Variants in ACSL3 observed in about 807,000 individuals in gnomAD.
ACSL3 encodes the protein fatty acid CoA ligase Acsl3.
A neutral mutation model predicts 84.7 loss-of-function variants in ACSL3; 34 were observed. The ratio of observed to expected loss-of-function variants is 0.40; its 90% CI spans 0.31 to 0.53. The LOEUF (loss-of-function observed/expected upper bound fraction) is 0.53. ACSL3 is among the 20% of genes least tolerant of loss of function. The pLI, the probability that ACSL3 is intolerant of heterozygous loss-of-function variation, is 0.48. For missense variants in ACSL3, 680 were observed against 873.1 expected (o/e 0.78, Z 2.79); for synonymous variants, 315 against 299.4 (o/e 1.05, Z -0.54).
At position 222,931,543 on chromosome 2, in the gene ACSL3, G is replaced by A. The variant is rs778421603; in HGVS notation, c.1732+731G>A. 2.6e-5 allele frequency among the ~76,000 whole-genome samples: 4 copies of A among 152,134 alleles called. No individual in the cohort carries two copies. In the East Asian group the frequency reaches 5.8e-4, roughly 22 times the overall value. On this transcript the variant is annotated intron_variant, in intron 14 of 16. Transcript: ENST00000357430. The stretch of plus-strand genomic sequence containing the variant: ...TATATCCCACTAGTTTATTTTATGA[G>A]CTATGTCTCAAAATCATACTCTTCT...
At chr2:222,864,466 G>A (rs1260609120) in intron 1 of ACSL3, among the ~76,000 whole-genome samples, 1 of 152,192 alleles carries the variant, frequency 6.6e-6, no homozygotes, top group African/African-American at 2.4e-5. Context: ...GAGTGGCCAG[G>A]AAGGTCAGAG....
intron 1 of ACSL3, among the ~76,000 whole-genome samples, chr2:222,874,321 G>A (rs976262623): frequency 6.6e-6 from 1 of 152,140 alleles, no homozygotes; most frequent in African/African-American, 2.4e-5. Flanking sequence ...CACTGTGCCC[G>A]GCCTTGTACT....
rs1697378257 is a variant in ACSL3, at chr2:222,943,379, A to C, written c.*1725A>C. ...CTATATGAGGATGCTGTGATCTAAAAATTAAATCTCAGTGGGCGGAGAGAA... is the reference window on the plus strand; with the variant it reads ...CTATATGAGGATGCTGTGATCTAAACATTAAATCTCAGTGGGCGGAGAGAA... On this transcript the variant is annotated 3_prime_UTR_variant, in exon 17 of 17. Coordinates refer to ENST00000357430, the MANE Select transcript of ACSL3 (RefSeq NM_004457.5). 5.4e-6 allele frequency: 1 copy of C among 184,052 alleles called. No individual in the cohort carries two copies. The highest frequency in any genetic ancestry group is 1.2e-5 in the Non-Finnish European group (1 of 86,618). 11.4% of individuals were successfully genotyped at this position (184,052 alleles called of 1,614,324 possible).
At chr2:222,922,864 A>G in intron 9 of ACSL3, 33 bp downstream of exon 9, 1 of 1,612,384 alleles carries the variant, frequency 6.2e-7, no homozygotes, top group Non-Finnish European at 8.5e-7. Flanking sequence ...GAAATACTAA[A>G]AAATCATAGT....
At chr2:222,935,610 T>C (rs1697151256) in intron 16 of ACSL3, among the ~76,000 whole-genome samples, 1 of 152,232 alleles carries the variant, frequency 6.6e-6, no homozygotes, top group Admixed American at 6.5e-5. Flanking sequence ...TTGCTCATAG[T>C]GTATATTCCT....
chr2:222,889,456 G>A (rs1245386060), intron 2 of ACSL3, among the ~76,000 whole-genome samples: 1 of 152,206 alleles, frequency 6.6e-6, no homozygotes, highest in African/African-American at 2.4e-5. Context: ...CTTGAATCCC[G>A]AAACTTAGAA....
intron 1 of ACSL3, among the ~76,000 whole-genome samples, chr2:222,882,574 G>T (rs940541138): frequency 2.6e-5 from 4 of 152,050 alleles, no homozygotes; most frequent in Admixed American, 1.3e-4. Context: ...CTTGCATGCC[G>T]AATTCCTGCT....
intron 1 of ACSL3, among the ~76,000 whole-genome samples, chr2:222,867,597 A>T (rs1010947313): frequency 2.0e-5 from 3 of 152,214 alleles, no homozygotes; most frequent in African/African-American, 7.2e-5. Flanking sequence ...GTTTCAACTC[A>T]ATTCATCAGT....
intron 2 of ACSL3, among the ~76,000 whole-genome samples, chr2:222,900,027 A>C (rs917980085): frequency 1.3e-5 from 2 of 152,200 alleles, no homozygotes; most frequent in South Asian, 2.1e-4. Context: ...CTCTGGTTCA[A>C]ACGCCTCTGA....
intron 3 of ACSL3, among the ~76,000 whole-genome samples, chr2:222,907,756 TAAAA>T (rs34528925): frequency 2.2e-5 from 3 of 138,964 alleles, no homozygotes; most frequent in Admixed American, 1.4e-4. Context: ...ATCCTGTCTT[TAAAA>T]AAAAAAAAAA....
intron 1 of ACSL3, among the ~76,000 whole-genome samples, chr2:222,878,174 A>G (rs897737187): frequency 4.6e-5 from 7 of 152,196 alleles, no homozygotes; most frequent in Non-Finnish European, 8.8e-5. Flanking sequence ...GCATTTATTA[A>G]ATTGAGTTGA....
rs116733420 is a variant in ACSL3, at chr2:222,930,576, G to C, written c.1541-45G>C. 2.5e-4 allele frequency: 360 copies of C among 1,427,350 alleles called. No homozygotes were observed. The African/African-American group carries it at 4.7e-3, about 19-fold the overall frequency. 88.4% of individuals were successfully genotyped at this position (1,427,350 alleles called of 1,614,324 possible). A position where few individuals can be genotyped will look rare whatever the true frequency, so the allele number is the denominator to read the frequency against. On this transcript the variant is annotated intron_variant, in intron 13 of 16. Coordinates refer to ENST00000357430, the MANE Select transcript of ACSL3 (RefSeq NM_004457.5). ...GAAACTAGTAGTTTCAAATTTTCAT[G>C]TGTTGTATTTAACTCAACTATTAAC...
At chr2:222,920,416 C>G (rs1006118424) in intron 7 of ACSL3, among the ~76,000 whole-genome samples, 1 of 152,190 alleles carries the variant, frequency 6.6e-6, no homozygotes, top group Non-Finnish European at 1.5e-5. Flanking sequence ...TCTATAGCTT[C>G]TCAGCTGTTG....
intron 1 of ACSL3, among the ~76,000 whole-genome samples, chr2:222,866,116 G>C (rs1479363091): frequency 6.6e-6 from 1 of 151,600 alleles, no homozygotes; most frequent in Admixed American, 6.6e-5. Flanking sequence ...GCCAAATGCT[G>C]TTCTAATTTT....
chr2:222,913,910 G>A (rs981748584), intron 4 of ACSL3, among the ~76,000 whole-genome samples: 6 of 152,202 alleles, frequency 3.9e-5, no homozygotes, highest in Non-Finnish European at 7.4e-5. Flanking sequence ...AACACTTGCC[G>A]TGTCCTTAGC....
chr2:222,862,173 C>A (rs1469937843), intron 1 of ACSL3, among the ~76,000 whole-genome samples: 1 of 152,214 alleles, frequency 6.6e-6, no homozygotes, highest in Non-Finnish European at 1.5e-5. Flanking sequence ...TTATTACATG[C>A]CACGCACTGT....
chr2:222,929,062 G>T (rs990540597), intron 13 of ACSL3, 126 bp downstream of exon 13: 1 of 667,546 alleles, frequency 1.5e-6, no homozygotes, highest in Non-Finnish European at 2.6e-6. Context: ...TGTGATAGAC[G>T]TGTTTTATCT....
At chr2:222,929,737 C>A (rs13413567) in intron 13 of ACSL3, among the ~76,000 whole-genome samples, 1 of 151,490 alleles carries the variant, frequency 6.6e-6, no homozygotes, top group South Asian at 2.1e-4. Context: ...AAGATTGCGC[C>A]ACTGCACTCT....
At chr2:222,929,230 T>C (rs1428696652) in intron 13 of ACSL3, among the ~76,000 whole-genome samples, 1 of 152,224 alleles carries the variant, frequency 6.6e-6, no homozygotes, top group Non-Finnish European at 1.5e-5. Flanking sequence ...TTAGGAGTGA[T>C]CATAACTTTA....
Sources: allele counts gnomAD v4.1 joint callset (sites outside exome capture counted in the v4.1 genomes callset), GRCh38; gene constraint gnomAD v4.1.1; transcripts MANE v1.5; gene names NCBI Gene and HGNC (gene_info 2026-07-23, HGNC 2026-07-21).